ZFP82: variants seen among roughly 807,000 people sequenced by gnomAD.
ZFP82 encodes the protein zinc finger protein 82 homolog.
In ZFP82, 30 loss-of-function variants were observed where a neutral mutation model predicts 54.0. That is an observed-to-expected ratio of 0.56 (90% CI 0.42 to 0.75). The LOEUF (loss-of-function observed/expected upper bound fraction) is 0.75. ZFP82 is among the 30% of genes least tolerant of loss of function. The pLI, the probability that ZFP82 is intolerant of heterozygous loss-of-function variation, is 0.00. For missense variants in ZFP82, 500 were observed against 636.8 expected (o/e 0.79, Z 2.31); for synonymous variants, 194 against 209.5 (o/e 0.93, Z 0.64).
chr19:36,405,820 A>G (rs995939063), intron 3 of ZFP82, 148 bp from the exon 4 acceptor site: 14 of 518,276 alleles, frequency 2.7e-5, no homozygotes, highest in Non-Finnish European at 4.7e-5. Flanking sequence ...CATTTACGTT[A>G]AGGTTACACA....
intron 1 of ZFP82, among the ~76,000 whole-genome samples, chr19:36,416,772 A>G (rs2032677835): frequency 6.9e-6 from 1 of 144,758 alleles, no homozygotes; most frequent in African/African-American, 2.6e-5. Context: ...AAAAAAAAAA[A>G]AAAAGAATTC....
At chr19:36,404,177 T>A (rs2032442690) in intron 4 of ZFP82, among the ~76,000 whole-genome samples, 1 of 152,176 alleles carries the variant, frequency 6.6e-6, no homozygotes, top group African/African-American at 2.4e-5. Context: ...TGTCTATTTA[T>A]TAAAGACCGA....
chr19:36,418,430 A>C (rs924244497), intron 1 of ZFP82, 62 bp downstream of exon 1: 1 of 152,318 alleles, frequency 6.6e-6, no homozygotes, highest in South Asian at 2.1e-4. Context: ...CCCACGACAC[A>C]CACACCCGGG....
At chr19:36,410,953 G>T (rs759531014) in intron 1 of ZFP82, among the ~76,000 whole-genome samples, 1 of 151,506 alleles carries the variant, frequency 6.6e-6, no homozygotes, top group Non-Finnish European at 1.5e-5. Context: ...AGCACTATGG[G>T]AGGCCAAGGC....
At chr19:36,396,703 A>G (rs748280193) in intron 4 of ZFP82, among the ~76,000 whole-genome samples, 18 of 151,994 alleles carry the variant, frequency 1.2e-4, no homozygotes, top group Non-Finnish European at 2.6e-4. Flanking sequence ...TTAGCTGGGC[A>G]TGGTAGTGTG....
intron 2 of ZFP82, among the ~76,000 whole-genome samples, chr19:36,409,372 A>G (rs2032538607): frequency 6.6e-6 from 1 of 151,914 alleles, no homozygotes; most frequent in Non-Finnish European, 1.5e-5. Context: ...GGCTCAAACA[A>G]TCCTCCATGT....
At chr19:36,399,291 T>C (rs1303594774) in intron 4 of ZFP82, among the ~76,000 whole-genome samples, 1 of 152,236 alleles carries the variant, frequency 6.6e-6, no homozygotes, top group Non-Finnish European at 1.5e-5. Context: ...AAGAGATTCC[T>C]GCACAGAAGC....
chr19:36,383,695 G>C (rs192085269), downstream of ZFP82: 2 of 152,146 alleles, frequency 1.3e-5, no homozygotes, highest in Admixed American at 1.3e-4. Context: ...AAATTTAAAA[G>C]ATTATTAGGT....
chr19:36,406,359 C>T (rs1210436943), intron 3 of ZFP82, among the ~76,000 whole-genome samples: 4 of 152,090 alleles, frequency 2.6e-5, no homozygotes, highest in Admixed American at 6.5e-5. Context: ...AGAATATTTC[C>T]GTCATCCCCC....
intron 4 of ZFP82, among the ~76,000 whole-genome samples, chr19:36,401,057 CTTCTTTT>C (rs1235378361): frequency 1.3e-5 from 1 of 79,968 alleles, no homozygotes; most frequent in Non-Finnish European, 2.6e-5. Context: ...ATGGCTGCCC[CTTCTTTT>C]TTTTTTTTTT....
At position 36,405,614 on chromosome 19, in the gene ZFP82, C is replaced by G; in HGVS notation, c.195G>C (p.Trp65Cys). ...GTCTTCTTCCTTTCCTCACAACTTT[C>G]CAAGGCTCTTTTCCTTGCTCCAATG... is the stretch of plus-strand genomic sequence containing the variant. ...ISSLEQGKEP[W>C]KVVRKGRRQY... The change falls in exon 4 of 5, where the codon TGG (tryptophan) becomes TGC (cysteine). Residue 65 changes from tryptophan (W) to cysteine (C), a missense_variant. Transcript: ENST00000392161. 1 of 1,611,638 alleles carries G rather than the reference C, an allele frequency of 6.2e-7. No individual in the cohort carries two copies. The highest frequency in any genetic ancestry group is 1.1e-5 in the South Asian group (1 of 90,804).
chr19:36,405,137 T>C (rs1028366361), intron 4 of ZFP82, among the ~76,000 whole-genome samples: 2 of 147,136 alleles, frequency 1.4e-5, no homozygotes, highest in African/African-American at 2.5e-5. Flanking sequence ...TGAGCCGAGA[T>C]TGTGCCATTG....
Position 36,394,167 on chromosome 19 carries a change from AT to A in ZFP82, c.230-58del, listed in dbSNP as rs1309806021. 5 of 1,399,324 alleles carry A rather than the reference AT, an allele frequency of 3.6e-6. No homozygotes were observed. The African/African-American group carries it at 7.2e-5, about 20-fold the overall frequency. The allele number at this position is 1,399,324 out of a possible 1,614,324, so 86.7% of individuals were successfully genotyped here. On this transcript the variant is annotated intron_variant, in intron 4 of 4. Coordinates refer to ENST00000392161, the MANE Select transcript of ZFP82 (RefSeq NM_133466.4). ...GTTTTCTTTTACTAAAAGAAGCAAC[AT>A]TTCTAATGTAGAAATAAAAGACAAC...
At chr19:36,387,786 G>A (rs1212925099), downstream of ZFP82, among the ~76,000 whole-genome samples, 2 of 151,984 alleles carry the variant, frequency 1.3e-5, no homozygotes, top group Non-Finnish European at 2.9e-5. Context: ...GGCTAATTTT[G>A]TATTTTTAGT....
downstream of ZFP82, among the ~76,000 whole-genome samples, chr19:36,388,013 G>A (rs1337209959): frequency 5.9e-5 from 9 of 152,166 alleles, no homozygotes; most frequent in Non-Finnish European, 1.2e-4. Flanking sequence ...CTTTTGTAAA[G>A]TCAATGAAAC....
intron 4 of ZFP82, among the ~76,000 whole-genome samples, chr19:36,399,423 A>G (rs569401906): frequency 4.6e-5 from 7 of 152,290 alleles, no homozygotes; most frequent in Admixed American, 4.6e-4. Context: ...CTTAACCCTC[A>G]GGTTACCTCT....
At chr19:36,387,878 T>C (rs2032133504), downstream of ZFP82, among the ~76,000 whole-genome samples, 2 of 152,374 alleles carry the variant, frequency 1.3e-5, no homozygotes, top group African/African-American at 4.8e-5. Context: ...CCTCCCAAAG[T>C]GCTGGGATTC....
chr19:36,404,981 C>G (rs1245496821), intron 4 of ZFP82, among the ~76,000 whole-genome samples: 1 of 152,034 alleles, frequency 6.6e-6, no homozygotes, highest in African/African-American at 2.4e-5. Flanking sequence ...GTCAGGAATT[C>G]AAGACCAGCC....
chr19:36,383,186 A>G (rs1417796662), exon 2 of ZFP82: 1 of 152,134 alleles, frequency 6.6e-6, no homozygotes, highest in East Asian at 1.9e-4. Context: ...ACTTTATCAC[A>G]AATTAGACAA....
Sources: gnomAD v4.1 joint callset for allele counts (sites outside exome capture counted in the v4.1 genomes callset) on GRCh38, gnomAD v4.1.1 for gene constraint, MANE v1.5 for transcripts, NCBI Gene and HGNC (gene_info 2026-07-23, HGNC 2026-07-21) for gene names.